The following YEATS2 variants were observed in gnomAD, a reference collection of about 807,000 sequenced individuals.
YEATS2 encodes YEATS domain-containing protein 2.
Under a neutral mutation model 163.2 loss-of-function variants are expected in YEATS2, and 77 were observed. That is an observed-to-expected ratio of 0.47 (90% CI 0.39 to 0.57). The LOEUF is 0.57. Among genes scored for constraint, YEATS2 ranks in the 20% least tolerant of loss-of-function variants. The pLI is 0.00. For missense variants in YEATS2, 1,549 were observed against 1,729.8 expected (o/e 0.90, Z 1.85); for synonymous variants, 631 against 645.1 (o/e 0.98, Z 0.33).
chr3:183,718,008 A>G (rs1411184372), intron 3 of YEATS2, among the ~76,000 whole-genome samples: 4 of 152,208 alleles, frequency 2.6e-5, no homozygotes, highest in African/African-American at 7.2e-5. Context: ...CAGGGTGACT[A>G]CAGTCAACAA....
chr3:183,707,954 G>A (rs1253098507), intron 1 of YEATS2, among the ~76,000 whole-genome samples: 4 of 151,904 alleles, frequency 2.6e-5, no homozygotes, highest in South Asian at 2.1e-4. Context: ...GATTATAGGC[G>A]TGAGCAGCCA....
rs371058895 is a variant in YEATS2 at position 183,760,601 on chromosome 3, C to T, written c.1657-906C>T. Among the ~76,000 whole-genome samples the T allele has an allele frequency of 1.8e-3, 267 of 152,286 alleles. 3 individuals carry two copies. Among genetic ancestry groups the T allele is most frequent in the African/African-American group, 6.1e-3 (253 of 41,570 alleles). ...CCTCCCAAAGTGCTGGGATTACAGG[C>T]GTGAGCCGCTGCGCCTGGCCAGAAC... is the stretch of plus-strand genomic sequence containing the variant. On this transcript the variant is annotated intron_variant, in intron 13 of 30. Transcript: ENST00000305135.
At position 183,722,059 on chromosome 3, in the gene YEATS2, GATA is replaced by G; in HGVS notation, c.465_467del (p.Asn156del). 6.2e-7 allele frequency: 1 copy of G among 1,613,996 alleles called. No homozygotes were observed. The highest frequency in any genetic ancestry group is 8.5e-7 in the Non-Finnish European group (1 of 1,180,008). On this transcript the variant is annotated inframe_deletion, in exon 5 of 31. Coordinates refer to ENST00000305135, the MANE Select transcript of YEATS2 (RefSeq NM_018023.5). ...GCACAATGACTTCTTATCTGACAAA[GATA>G]ATAACAGCAATATGGATATAGAGGA...
At chr3:183,749,856 T>C (rs1391711528) in intron 9 of YEATS2, among the ~76,000 whole-genome samples, 1 of 152,076 alleles carries the variant, frequency 6.6e-6, no homozygotes, top group African/African-American at 2.4e-5. Flanking sequence ...CTCGCTCTGT[T>C]GCCCAGGTTG....
chr3:183,712,832 C>T (rs1715414975), intron 1 of YEATS2, among the ~76,000 whole-genome samples: 1 of 151,208 alleles, frequency 6.6e-6, no homozygotes, highest in East Asian at 1.9e-4. Context: ...GTGATCTTGG[C>T]TCGCTGCAAC....
chr3:183,770,355 G>C (rs140450708), intron 15 of YEATS2, among the ~76,000 whole-genome samples: 4,301 of 151,900 alleles, frequency 0.028, 208 homozygotes, highest in African/African-American at 0.097. Context: ...CTTCCTGGGT[G>C]ACAGAGCGAG....
rs369663865 is a variant in YEATS2, at chr3:183,712,528, A to G, written c.-19-2616A>G. ...AGCCAGCCTAATTTTATTTTAAAAC[A>G]TGTTGTTACCTCAGTAATTCTGCCT... is the stretch of plus-strand genomic sequence containing the variant. On this transcript the variant is annotated intron_variant, in intron 1 of 30. Transcript: ENST00000305135. Among the ~76,000 whole-genome samples, 24 of 152,022 alleles carry G rather than the reference A, an allele frequency of 1.6e-4. No individual in the cohort carries two copies. In the East Asian group the frequency reaches 2.1e-3, roughly 14 times the overall value.
At chr3:183,742,475 A>G (rs1276865133) in intron 8 of YEATS2, among the ~76,000 whole-genome samples, 1 of 152,208 alleles carries the variant, frequency 6.6e-6, no homozygotes, top group African/African-American at 2.4e-5. Flanking sequence ...AGCTGCAGGT[A>G]TGGTGGAAAT....
intron 14 of YEATS2, 81 bp downstream of exon 14, chr3:183,761,695 A>G: frequency 7.8e-7 from 1 of 1,288,920 alleles, no homozygotes; most frequent in Middle Eastern, 1.9e-4. Flanking sequence ...TACCCCTACA[A>G]CATGTTACTT....
chr3:183,747,927 G>T (rs1403813665), intron 9 of YEATS2, among the ~76,000 whole-genome samples: 1 of 151,750 alleles, frequency 6.6e-6, no homozygotes, highest in Admixed American at 6.6e-5. Context: ...TTACAGGAAC[G>T]CACCACCATG....
At chr3:183,763,366 A>G (rs1721575571) in intron 15 of YEATS2, among the ~76,000 whole-genome samples, 2 of 152,248 alleles carry the variant, frequency 1.3e-5, no homozygotes, top group African/African-American at 4.8e-5. Context: ...TAGAAAAGAT[A>G]CTGTAAAAAT....
At chr3:183,753,189 G>C (rs1560273012) in intron 10 of YEATS2, among the ~76,000 whole-genome samples, 1 of 151,942 alleles carries the variant, frequency 6.6e-6, no homozygotes, top group Non-Finnish European at 1.5e-5. Flanking sequence ...AAGAAACTTG[G>C]ATATTAAATA....
intron 8 of YEATS2, among the ~76,000 whole-genome samples, chr3:183,740,366 C>T (rs1385668826): frequency 6.6e-6 from 1 of 152,200 alleles, no homozygotes; most frequent in Non-Finnish European, 1.5e-5. Context: ...TTCATCATCA[C>T]TGGTCATCAG....
At chr3:183,712,229 G>GTTATGTTATGTTATGTTATGTT (rs1715347256) in intron 1 of YEATS2, among the ~76,000 whole-genome samples, 8 of 63,790 alleles carry the variant, frequency 1.3e-4, no homozygotes, top group African/African-American at 5.0e-4. Context: ...TTTATTTTTT[G>GTTATGTTATGTTATGTTATGTT]AGACAGAGTC....
At chr3:183,775,566 G>T (rs147087244) in intron 17 of YEATS2, among the ~76,000 whole-genome samples, 134 of 152,332 alleles carry the variant, frequency 8.8e-4, no homozygotes, top group African/African-American at 3.1e-3. Context: ...TTGCACTCCA[G>T]CCTGGCGACA....
intron 6 of YEATS2, 68 bp from the exon 7 acceptor site, chr3:183,728,622 G>T: frequency 7.2e-7 from 1 of 1,386,254 alleles, no homozygotes; most frequent in South Asian, 1.7e-5. Flanking sequence ...GTTTAAGTAG[G>T]ACTTAATTAT....
intron 12 of YEATS2, among the ~76,000 whole-genome samples, chr3:183,757,400 C>T (rs976331931): frequency 1.3e-5 from 2 of 152,108 alleles, no homozygotes; most frequent in African/African-American, 4.8e-5. Flanking sequence ...AAGCAATTCT[C>T]CTGCCTCAGC....
intron 8 of YEATS2, among the ~76,000 whole-genome samples, chr3:183,743,590 C>G (rs2109222580): frequency 6.6e-6 from 1 of 152,242 alleles, no homozygotes; most frequent in Non-Finnish European, 1.5e-5. Context: ...AAACAATCTA[C>G]CCTCCTCAGC....
Position 183,800,581 on chromosome 3 carries a change from A to G in YEATS2, c.3428+13A>G, listed in dbSNP as rs2242124. The G allele has an allele frequency of 9.1e-4, 1,456 of 1,607,818 alleles. 24 individuals are homozygous for G. The East Asian group carries it at 0.029, about 32-fold the overall frequency. Reference sequence around the variant, plus strand: ...ACTATGTCATTAAGTAATTCTTCCAATCTTTCCTAAAGGAATTCCGCTTCG... The same window carrying G: ...ACTATGTCATTAAGTAATTCTTCCAGTCTTTCCTAAAGGAATTCCGCTTCG... On this transcript the variant is annotated intron_variant, in intron 24 of 30. Transcript: ENST00000305135.
Sources: allele counts gnomAD v4.1 joint callset (sites outside exome capture counted in the v4.1 genomes callset), GRCh38; gene constraint gnomAD v4.1.1; transcripts MANE v1.5; gene names NCBI Gene and HGNC (gene_info 2026-07-23, HGNC 2026-07-21).